BID: variants seen among roughly 807,000 people sequenced by gnomAD.
The protein encoded by BID is BH3-interacting domain death agonist.
BID carries 19 observed loss-of-function variants against 17.4 expected under a neutral mutation model. The observed-to-expected ratio is 1.09, with a 90% CI of 0.76 to 1.60. BID has a LOEUF of 1.60. Ranked by LOEUF, BID falls within the 40% of genes most tolerant of loss-of-function variation. The pLI is 0.00. For missense variants in BID, 226 were observed against 256.0 expected (o/e 0.88, Z 0.80); for synonymous variants, 108 against 102.8 (o/e 1.05, Z -0.31).
At position 17,734,601 on chromosome 22, in the gene BID, C is replaced by T. The variant is rs2061407036; in HGVS notation, c.*979G>A. Reference sequence around the variant, plus strand: ...TGACTGTCCCTAAGAGAGGGAACCACTTTGCTGAATTTTTAAAAAGTCCAA... The same window carrying T: ...TGACTGTCCCTAAGAGAGGGAACCATTTTGCTGAATTTTTAAAAAGTCCAA... On this transcript the variant is annotated 3_prime_UTR_variant, in exon 6 of 6. Coordinates refer to ENST00000622694, the MANE Select transcript of BID (RefSeq NM_001196.4). The T allele has an allele frequency of 6.6e-6, 1 of 152,216 alleles. No homozygotes were observed. Among genetic ancestry groups the T allele is most frequent in the Non-Finnish European group, 1.5e-5 (1 of 68,038 alleles). The allele number at this position is 152,216 out of a possible 1,614,324, so 9.4% of individuals were successfully genotyped here.
intron 1 of BID, among the ~76,000 whole-genome samples, chr22:17,760,442 A>G (rs915628868): frequency 6.4e-5 from 8 of 125,672 alleles, no homozygotes; most frequent in Non-Finnish European, 9.5e-5. Context: ...ACAGAGCAAG[A>G]CTCTGTCTCA....
In BID at chr22:17,743,831, G is replaced by A. The variant is rs748717824; in HGVS notation, c.195C>T (p.Ser65=). ...DELQTDGNRS[S]HSRLGRIEAD... ...CCTCTATTCTTCCCAAGCGGGAGTG[G>A]CTGCTGCGGTTGCCATCAGTCTGCA... The change falls in exon 3 of 6, where the codon AGC becomes AGT. Residue 65 remains serine (S), a synonymous_variant. Coordinates refer to ENST00000622694, the MANE Select transcript of BID (RefSeq NM_001196.4). The A allele has an allele frequency of 1.1e-5, 17 of 1,611,212 alleles. No homozygotes were observed. The highest frequency in any genetic ancestry group is 1.4e-5 in the Non-Finnish European group (17 of 1,179,338).
At position 17,738,189 on chromosome 22, in the gene BID, A is replaced by C. The variant is rs895511972; in HGVS notation, c.404T>G (p.Leu135Arg). ...CTCCATGTCTCTAGGGTAGGCCTGC[A>C]GCAGCTGCTCCAGGGCAGTGGCCAG... ...RDLATALEQL[L>R]QAYPRDMEKE... Residue 135 changes from leucine to arginine, a missense_variant, in exon 5 of 6, where the codon CTG becomes CGG. Transcript: ENST00000622694. 1.2e-6 allele frequency: 2 copies of C among 1,612,570 alleles called. No individual in the cohort carries two copies. The highest frequency in any genetic ancestry group is 1.3e-5 in the African/African-American group (1 of 74,904).
chr22:17,759,249 A>AAAAAAAAAACAAC (rs1019795734), intron 1 of BID, among the ~76,000 whole-genome samples: 1 of 148,422 alleles, frequency 6.7e-6, no homozygotes, highest in African/African-American at 2.5e-5. Flanking sequence ...AACAAAACAA[A>AAAAAAAAAACAAC]AAAAAAAAAA....
intron 1 of BID, among the ~76,000 whole-genome samples, chr22:17,760,407 G>A (rs191646558): frequency 1.9e-3 from 256 of 135,614 alleles, no homozygotes; most frequent in Non-Finnish European, 2.8e-3. Flanking sequence ...AGGTGAGATC[G>A]CGCCACTGCA....
At chr22:17,748,213 AAATAAT>A (rs1213290482) in intron 2 of BID, among the ~76,000 whole-genome samples, 1 of 140,472 alleles carries the variant, frequency 7.1e-6, no homozygotes, top group Admixed American at 7.2e-5. Context: ...CGTCTCAAAA[AAATAAT>A]AATAATAAGG....
intron 1 of BID, among the ~76,000 whole-genome samples, chr22:17,766,526 C>A (rs903289691): frequency 6.6e-6 from 1 of 152,062 alleles, no homozygotes; most frequent in Non-Finnish European, 1.5e-5. Context: ...GGTGATCGAC[C>A]CGCCTCGGCC....
Position 17,738,015 on chromosome 22 carries a change from A to G in BID, c.576+2T>C. 6.2e-7 allele frequency: 1 copy of G among 1,614,050 alleles called. No homozygotes were observed. The highest frequency in any genetic ancestry group is 8.5e-7 in the Non-Finnish European group (1 of 1,179,904). ...GAAGGAGCTGACCTCAAGGGTTCTT[A>G]CATTTCTGGCTAAGCTCCTCACGTA... On this transcript the variant is annotated splice_donor_variant, in intron 5 of 5. Transcript: ENST00000622694. LOFTEE classifies it high-confidence loss of function.
intron 1 of BID, chr22:17,774,111 C>T (rs1213492875): frequency 5.2e-6 from 1 of 191,510 alleles, no homozygotes; most frequent in African/African-American, 2.4e-5. Context: ...ACAAAGCCTT[C>T]CCCGCCTCCG....
intron 3 of BID, chr22:17,739,843 G>C (rs1426941688): frequency 1.7e-6 from 1 of 604,668 alleles, no homozygotes; most frequent in East Asian, 2.8e-5. Flanking sequence ...GGTTGGCCTT[G>C]GCCTGGGCAG....
chr22:17,735,663 C>T, intron 5 of BID, 72 bp from the exon 6 acceptor site: 1 of 1,575,086 alleles, frequency 6.3e-7, no homozygotes. Flanking sequence ...AGCTCTGTGC[C>T]ACAGTAGAGC....
intron 1 of BID, among the ~76,000 whole-genome samples, chr22:17,761,682 C>T (rs1484267549): frequency 6.6e-6 from 1 of 152,156 alleles, no homozygotes. Context: ...GATCCACCCG[C>T]CTCGGCCTCC....
At chr22:17,755,167 C>T (rs1431662832) in intron 1 of BID, among the ~76,000 whole-genome samples, 1 of 150,900 alleles carries the variant, frequency 6.6e-6, no homozygotes, top group Non-Finnish European at 1.5e-5. Context: ...TCACTGCAAG[C>T]TCCGCCTCCC....
At chr22:17,741,549 C>T (rs2061459493) in intron 3 of BID, among the ~76,000 whole-genome samples, 1 of 151,930 alleles carries the variant, frequency 6.6e-6, no homozygotes, top group Non-Finnish European at 1.5e-5. Flanking sequence ...TCTCAGCTCA[C>T]TGCAACCTCC....
chr22:17,757,264 A>G (rs1942680879), intron 1 of BID, among the ~76,000 whole-genome samples: 1 of 151,758 alleles, frequency 6.6e-6, no homozygotes, highest in Non-Finnish European at 1.5e-5. Context: ...TATATACAAA[A>G]ACTAGCCAGG....
chr22:17,758,934 TAAAAAA>T (rs2061613660), intron 1 of BID, among the ~76,000 whole-genome samples: 1 of 151,912 alleles, frequency 6.6e-6, no homozygotes, highest in Non-Finnish European at 1.5e-5. Flanking sequence ...AATATACACT[TAAAAAA>T]GAGCCAGGTG....
intron 1 of BID, among the ~76,000 whole-genome samples, chr22:17,772,180 G>A (rs2061726296): frequency 6.6e-6 from 1 of 152,220 alleles, no homozygotes. Context: ...GCACACAGGT[G>A]CTTGTCTCTG....
At chr22:17,752,702 G>A (rs926497671) in intron 1 of BID, among the ~76,000 whole-genome samples, 1 of 151,496 alleles carries the variant, frequency 6.6e-6, no homozygotes, top group African/African-American at 2.4e-5. Flanking sequence ...GTCTCACTGT[G>A]TCGCCCAGGC....
At chr22:17,748,380 C>G (rs555550084) in intron 2 of BID, among the ~76,000 whole-genome samples, 1 of 150,672 alleles carries the variant, frequency 6.6e-6, no homozygotes. Flanking sequence ...TGGTGGCGGG[C>G]GCCTGTAGTC....
Sources: gnomAD v4.1 joint callset for allele counts (sites outside exome capture counted in the v4.1 genomes callset) on GRCh38, gnomAD v4.1.1 for gene constraint, MANE v1.5 for transcripts, NCBI Gene and HGNC (gene_info 2026-07-23, HGNC 2026-07-21) for gene names.